Variants in PLPPR1 observed in about 807,000 individuals in gnomAD.
The protein encoded by PLPPR1 is phospholipid phosphatase related 1.
PLPPR1 carries 10 observed loss-of-function variants against 33.1 expected under a neutral mutation model. The observed-to-expected ratio is 0.30, with a 90% CI of 0.19 to 0.51. The LOEUF (loss-of-function observed/expected upper bound fraction) is 0.51, where lower values mean the gene tolerates loss of function less well. PLPPR1 is among the 20% of genes least tolerant of loss of function. The pLI, the probability that PLPPR1 is intolerant of heterozygous loss-of-function variation, is 0.97. For synonymous variants in PLPPR1, 151 were observed against 151.0 expected (o/e 1.00, Z 0.00); for missense variants, 304 against 408.1 (o/e 0.74, Z 2.20).
intron 1 of PLPPR1, among the ~76,000 whole-genome samples, chr9:101,043,562 G>A (rs2118425737): frequency 6.6e-6 from 1 of 151,906 alleles, no homozygotes; most frequent in South Asian, 2.1e-4. Flanking sequence ...TATTTCGGCT[G>A]TTTCTACATT....
intron 1 of PLPPR1, among the ~76,000 whole-genome samples, chr9:101,050,243 T>C (rs1830204292): frequency 6.6e-6 from 1 of 152,100 alleles, no homozygotes; most frequent in African/African-American, 2.4e-5. Context: ...GATCTGTGAT[T>C]CTGTGAGTTC....
At chr9:101,308,979 T>G (rs1172694390) in intron 4 of PLPPR1, among the ~76,000 whole-genome samples, 1 of 152,168 alleles carries the variant, frequency 6.6e-6, no homozygotes, top group Non-Finnish European at 1.5e-5. Flanking sequence ...TAGACTGTGC[T>G]TTTTCTAAAC....
intron 2 of PLPPR1, among the ~76,000 whole-genome samples, chr9:101,230,451 A>G (rs2118816165): frequency 6.6e-6 from 1 of 152,254 alleles, no homozygotes; most frequent in South Asian, 2.1e-4. Flanking sequence ...ACGATTGCCA[A>G]GTTTGCAAGA....
chr9:101,178,427 TA>T (rs1826050192), intron 1 of PLPPR1, among the ~76,000 whole-genome samples: 1 of 152,092 alleles, frequency 6.6e-6, no homozygotes, highest in Non-Finnish European at 1.5e-5. Context: ...CTCACTGGAG[TA>T]GACACTTACT....
At chr9:101,174,904 G>T (rs185200985) in intron 1 of PLPPR1, among the ~76,000 whole-genome samples, 1 of 152,094 alleles carries the variant, frequency 6.6e-6, no homozygotes, top group African/African-American at 2.4e-5. Flanking sequence ...TTTGCTTTAA[G>T]TTCCTATCTG....
At chr9:101,240,610 T>C (rs1254080587) in intron 2 of PLPPR1, among the ~76,000 whole-genome samples, 1 of 152,064 alleles carries the variant, frequency 6.6e-6, no homozygotes, top group African/African-American at 2.4e-5. Flanking sequence ...GACTTGAATG[T>C]TCTTCGAAAG....
At chr9:101,245,365 TAA>T (rs1045937114) in intron 2 of PLPPR1, among the ~76,000 whole-genome samples, 2 of 152,018 alleles carry the variant, frequency 1.3e-5, no homozygotes, top group Non-Finnish European at 2.9e-5. Flanking sequence ...CATTTTTATT[TAA>T]ATATATAATT....
intron 1 of PLPPR1, among the ~76,000 whole-genome samples, chr9:101,136,717 C>T (rs193188367): frequency 1.3e-5 from 2 of 152,176 alleles, no homozygotes; most frequent in East Asian, 1.9e-4. Context: ...AGAAATTGAA[C>T]GTGGTTACCT....
intron 2 of PLPPR1, among the ~76,000 whole-genome samples, chr9:101,203,741 A>ATCTATATATATAGATATGTTATATATCTG (rs1826537077): frequency 6.6e-6 from 1 of 151,334 alleles, no homozygotes; most frequent in South Asian, 2.1e-4. Context: ...TTATATATCT[A>ATCTATATATATAGATATGTTATATATCTG]TCTATATATA....
chr9:101,031,711 T>C (rs1429110528), intron 1 of PLPPR1, among the ~76,000 whole-genome samples: 1 of 152,206 alleles, frequency 6.6e-6, no homozygotes, highest in East Asian at 1.9e-4. Flanking sequence ...ATTTTTTCCT[T>C]TCCCTGGAGG....
intron 5 of PLPPR1, among the ~76,000 whole-genome samples, chr9:101,311,368 C>A (rs936655337): frequency 6.6e-6 from 1 of 152,174 alleles, no homozygotes; most frequent in African/African-American, 2.4e-5. Context: ...ATCTTCTGAG[C>A]CGCTATTACA....
intron 2 of PLPPR1, among the ~76,000 whole-genome samples, chr9:101,191,866 AGAAT>A (rs969944502): frequency 1.9e-4 from 29 of 152,360 alleles, no homozygotes; most frequent in South Asian, 4.1e-4. Context: ...GGAATTGGAC[AGAAT>A]GAATGAAGTT....
intron 3 of PLPPR1, among the ~76,000 whole-genome samples, chr9:101,284,556 T>C (rs1297989143): frequency 6.6e-6 from 1 of 152,198 alleles, no homozygotes; most frequent in Non-Finnish European, 1.5e-5. Context: ...CATATGTTAA[T>C]TAGCTAGATT....
At chr9:101,076,406 T>C (rs923027081) in intron 1 of PLPPR1, among the ~76,000 whole-genome samples, 7 of 152,200 alleles carry the variant, frequency 4.6e-5, no homozygotes, top group Admixed American at 3.9e-4. Flanking sequence ...TTTATGTATA[T>C]GTTCTGACTA....
intron 1 of PLPPR1, among the ~76,000 whole-genome samples, chr9:101,064,894 T>C (rs902989645): frequency 6.6e-6 from 1 of 151,886 alleles, no homozygotes; most frequent in Non-Finnish European, 1.5e-5. Flanking sequence ...ACTCTCGTGA[T>C]AACCAACCCA....
chr9:101,129,809 C>T (rs373039207), intron 1 of PLPPR1, among the ~76,000 whole-genome samples: 4 of 151,834 alleles, frequency 2.6e-5, no homozygotes, highest in African/African-American at 9.7e-5. Context: ...CCAGCCTAGG[C>T]GACAGAGCAA....
At chr9:101,230,872 G>C (rs1363763109) in intron 2 of PLPPR1, among the ~76,000 whole-genome samples, 2 of 148,890 alleles carry the variant, frequency 1.3e-5, no homozygotes, top group African/African-American at 5.1e-5. Flanking sequence ...TGAATTTGCA[G>C]GTTTTTAAAA....
intron 4 of PLPPR1, among the ~76,000 whole-genome samples, chr9:101,303,615 G>T (rs1828793290): frequency 6.6e-6 from 1 of 152,116 alleles, no homozygotes; most frequent in South Asian, 2.1e-4. Context: ...TTTTTGATAA[G>T]AGATTGAGAA....
At chr9:101,111,468 T>G (rs1394418927) in intron 1 of PLPPR1, among the ~76,000 whole-genome samples, 1 of 152,214 alleles carries the variant, frequency 6.6e-6, no homozygotes, top group Non-Finnish European at 1.5e-5. Context: ...GTCAATTCCT[T>G]TAATAAAAAT....
Sources: allele counts gnomAD v4.1 joint callset (sites outside exome capture counted in the v4.1 genomes callset), GRCh38; gene constraint gnomAD v4.1.1; transcripts MANE v1.5; gene names NCBI Gene and HGNC (gene_info 2026-07-23, HGNC 2026-07-21).